Variants in AK5 observed in about 807,000 individuals in gnomAD.
AK5 encodes the protein adenylate kinase isoenzyme 5.
In AK5, 27 loss-of-function variants were observed where a neutral mutation model predicts 69.5. The observed-to-expected ratio is 0.39, with a 90% CI of 0.29 to 0.54. The LOEUF (loss-of-function observed/expected upper bound fraction) is 0.54. Among genes scored for constraint, AK5 ranks in the 20% least tolerant of loss-of-function variants. The probability of loss-of-function intolerance (pLI) is 0.71; values close to 1 mark genes in which losing one functional copy is unlikely to be tolerated. For synonymous variants in AK5, 260 were observed against 244.4 expected, an observed-to-expected ratio of 1.06 and a Z score of -0.60; for missense variants, 531 against 700.4, an observed-to-expected ratio of 0.76 and a Z score of 2.73.
rs1175036044 is a variant in AK5 at position 77,282,154 on chromosome 1, G to A, written c.-160G>A. 1.1e-5 allele frequency: 6 copies of A among 549,316 alleles called. No homozygotes were observed. Among genetic ancestry groups the A allele is most frequent in the African/African-American group, 6.0e-5 (3 of 50,084 alleles). The allele number at this position is 549,316 out of a possible 1,614,324, so 34.0% of individuals were successfully genotyped here. ...CAGCCCCCGGGGAGAGGCGGAGGGGGTCCCTGGCCTGGGCGGAGAGGCTGA... is the reference window on the plus strand; with the variant it reads ...CAGCCCCCGGGGAGAGGCGGAGGGGATCCCTGGCCTGGGCGGAGAGGCTGA... On this transcript the variant is annotated 5_prime_UTR_variant, in exon 1 of 14. Transcript: ENST00000354567.
intron 10 of AK5, among the ~76,000 whole-genome samples, chr1:77,490,137 T>C (rs905857807): frequency 8.5e-5 from 13 of 152,186 alleles, no homozygotes; most frequent in Admixed American, 8.5e-4. Context: ...ACAACCAAAA[T>C]TGCAATTGGA....
intron 6 of AK5, among the ~76,000 whole-genome samples, chr1:77,398,023 C>CTTA (rs1354408718): frequency 7.2e-5 from 11 of 152,226 alleles, no homozygotes; most frequent in African/African-American, 2.7e-4. Flanking sequence ...AGTTTTCCAT[C>CTTA]TTCTAAGCTG....
chr1:77,541,242 T>C (rs1400323023), intron 13 of AK5, among the ~76,000 whole-genome samples: 3 of 152,062 alleles, frequency 2.0e-5, no homozygotes, highest in Non-Finnish European at 2.9e-5. Context: ...TTGGGCAACA[T>C]GGCAAAACCC....
intron 8 of AK5, among the ~76,000 whole-genome samples, chr1:77,433,519 C>A (rs1391385064): frequency 6.6e-6 from 1 of 152,086 alleles, no homozygotes. Context: ...TGTGATAAAA[C>A]CAATGTTTCC....
At chr1:77,391,495 G>GTATGTGTATATATA (rs1553144161) in intron 6 of AK5, among the ~76,000 whole-genome samples, 24 of 63,406 alleles carry the variant, frequency 3.8e-4, no homozygotes, top group African/African-American at 1.3e-3. Context: ...GTGTGTGTGT[G>GTATGTGTATATATA]TATATATATA....
rs148952065 is a variant in AK5, at chr1:77,451,409, A to G, written c.1060-31908A>G. Among the ~76,000 whole-genome samples, 37 of 152,326 alleles carry G rather than the reference A, an allele frequency of 2.4e-4. No individual in the cohort carries two copies. The East Asian group carries it at 6.2e-3, about 25-fold the overall frequency. On this transcript the variant is annotated intron_variant, in intron 8 of 13. Coordinates refer to ENST00000354567, the MANE Select transcript of AK5 (RefSeq NM_174858.3). ...TAATGGCACTATAAAATATAATTCT[A>G]TAGGAACACCATATTTATTTTCATC...
chr1:77,343,736 C>T (rs1348492107), intron 6 of AK5, among the ~76,000 whole-genome samples: 1 of 152,134 alleles, frequency 6.6e-6, no homozygotes. Context: ...AAAACGGTGT[C>T]TAGAATATTG....
chr1:77,499,895 T>TGGTTTGC (rs1656604098), intron 10 of AK5, among the ~76,000 whole-genome samples: 1 of 142,248 alleles, frequency 7.0e-6, no homozygotes, highest in Non-Finnish European at 1.5e-5. Flanking sequence ...TTTTTTTTTT[T>TGGTTTGC]TTTTTTGGTT....
At chr1:77,282,610 A>C in intron 1 of AK5, 1 of 1,300,104 alleles carries the variant, frequency 7.7e-7, no homozygotes, top group Non-Finnish European at 9.8e-7. Flanking sequence ...TCAGTCTTCC[A>C]GCAGGGTTCT....
chr1:77,353,088 T>A (rs1662298750), intron 6 of AK5, among the ~76,000 whole-genome samples: 1 of 152,200 alleles, frequency 6.6e-6, no homozygotes. Flanking sequence ...TTCTAAGAGA[T>A]GTGAAGAACT....
chr1:77,554,838 T>G (rs552504554), intron 13 of AK5, among the ~76,000 whole-genome samples: 21 of 150,658 alleles, frequency 1.4e-4, no homozygotes, highest in African/African-American at 2.7e-4. Flanking sequence ...GGATGGTCTC[T>G]ATCTCCTGAC....
intron 6 of AK5, among the ~76,000 whole-genome samples, chr1:77,394,787 C>G (rs1055521425): frequency 6.6e-6 from 1 of 151,658 alleles, no homozygotes; most frequent in Non-Finnish European, 1.5e-5. Context: ...AGAAAAACAT[C>G]TTTTCATACT....
intron 10 of AK5, among the ~76,000 whole-genome samples, chr1:77,506,563 C>T (rs1657040704): frequency 6.6e-6 from 1 of 152,128 alleles, no homozygotes; most frequent in South Asian, 2.1e-4. Flanking sequence ...GAGCTGGAGT[C>T]ATGGCATTTG....
chr1:77,526,041 G>A (rs756283214), intron 12 of AK5, among the ~76,000 whole-genome samples: 17 of 152,100 alleles, frequency 1.1e-4, no homozygotes, highest in African/African-American at 2.9e-4. Flanking sequence ...GGGTAATATC[G>A]ACATCTTAGC....
intron 10 of AK5, among the ~76,000 whole-genome samples, chr1:77,512,698 T>TA (rs1389681092): frequency 7.9e-5 from 12 of 152,110 alleles, no homozygotes; most frequent in Middle Eastern, 3.2e-3. Flanking sequence ...CATGCTGCTA[T>TA]AAAGACACAT....
chr1:77,383,047 A>T (rs1399508356), intron 6 of AK5, among the ~76,000 whole-genome samples: 1 of 152,248 alleles, frequency 6.6e-6, no homozygotes, highest in Admixed American at 6.5e-5. Flanking sequence ...ATAGTTTAGT[A>T]CCATATTAGA....
chr1:77,480,690 A>T (rs1655199618), intron 8 of AK5, among the ~76,000 whole-genome samples: 1 of 152,216 alleles, frequency 6.6e-6, no homozygotes, highest in Admixed American at 6.5e-5. Flanking sequence ...CAATAAGAAG[A>T]TTTAGATTAA....
chr1:77,312,547 G>A (rs561525338), intron 5 of AK5, among the ~76,000 whole-genome samples: 2 of 151,672 alleles, frequency 1.3e-5, no homozygotes, highest in Admixed American at 6.6e-5. Context: ...GCCAGGAGGC[G>A]GAGGTTGCAG....
chr1:77,440,092 T>C (rs1652229156), intron 8 of AK5, among the ~76,000 whole-genome samples: 1 of 152,216 alleles, frequency 6.6e-6, no homozygotes, highest in Admixed American at 6.5e-5. Context: ...TTTCATGTTT[T>C]TTCGTAATGA....
Sources: allele counts gnomAD v4.1 joint callset (sites outside exome capture counted in the v4.1 genomes callset), GRCh38; gene constraint gnomAD v4.1.1; transcripts MANE v1.5; gene names NCBI Gene and HGNC (gene_info 2026-07-23, HGNC 2026-07-21).